The following DGKI variants were observed in gnomAD, a reference collection of about 807,000 sequenced individuals.
The protein encoded by DGKI is DAG kinase iota.
Under a neutral mutation model 147.5 loss-of-function variants are expected in DGKI, and 55 were observed. The observed-to-expected ratio is 0.37, with a 90% CI of 0.30 to 0.47. DGKI has a LOEUF of 0.47. DGKI is among the 20% of genes least tolerant of loss of function. The pLI is 1.00. For missense variants in DGKI, 1,007 were observed against 1,323.8 expected (o/e 0.76, Z 3.71); for synonymous variants, 469 against 477.1 (o/e 0.98, Z 0.22).
chr7:137,810,198 T>C (rs963565086), intron 1 of DGKI, among the ~76,000 whole-genome samples: 3 of 152,196 alleles, frequency 2.0e-5, no homozygotes, highest in Non-Finnish European at 4.4e-5. Context: ...AAAAGAGTAA[T>C]TGACAACAAT....
At chr7:137,400,060 T>C (rs1283877910) in intron 30 of DGKI, among the ~76,000 whole-genome samples, 1 of 152,170 alleles carries the variant, frequency 6.6e-6, no homozygotes, top group Non-Finnish European at 1.5e-5. Flanking sequence ...TACATCAAGA[T>C]ATGGGATCAT....
intron 1 of DGKI, among the ~76,000 whole-genome samples, chr7:137,709,317 G>C (rs1290860873): frequency 6.6e-6 from 1 of 152,060 alleles, no homozygotes; most frequent in African/African-American, 2.4e-5. Context: ...GTAGGGAGAG[G>C]AGAGAGGATA....
chr7:137,754,692 TA>T (rs1283698496), intron 1 of DGKI, among the ~76,000 whole-genome samples: 1 of 152,196 alleles, frequency 6.6e-6, no homozygotes, highest in Non-Finnish European at 1.5e-5. Context: ...GTGTGCCTAC[TA>T]TAAATAGATC....
At chr7:137,784,243 G>A (rs1796601239) in intron 1 of DGKI, among the ~76,000 whole-genome samples, 1 of 152,008 alleles carries the variant, frequency 6.6e-6, no homozygotes, top group Non-Finnish European at 1.5e-5. Flanking sequence ...TGACACATAA[G>A]GACTCAGATA....
chr7:137,413,572 A>G (rs1812246440), intron 28 of DGKI, among the ~76,000 whole-genome samples: 1 of 152,158 alleles, frequency 6.6e-6, no homozygotes, highest in African/African-American at 2.4e-5. Context: ...ACTTAGGATA[A>G]TGGTCTTCAG....
intron 1 of DGKI, among the ~76,000 whole-genome samples, chr7:137,819,916 C>T (rs1425594649): frequency 6.6e-6 from 1 of 152,212 alleles, no homozygotes; most frequent in Non-Finnish European, 1.5e-5. Flanking sequence ...ACAACTAGTT[C>T]AAATGTCACT....
intron 32 of DGKI, 119 bp from the exon 33 acceptor site, chr7:137,391,455 G>A: frequency 1.5e-6 from 1 of 671,196 alleles, no homozygotes; most frequent in Non-Finnish European, 2.5e-6. Context: ...AACTACGCAA[G>A]GATACCTGCT....
At chr7:137,623,443 A>T (rs1267078864) in intron 7 of DGKI, 40 bp downstream of exon 7, 2 of 1,582,834 alleles carry the variant, frequency 1.3e-6, no homozygotes, top group African/African-American at 2.7e-5. Flanking sequence ...TATTTCGACA[A>T]AACATGAGCC....
At chr7:137,507,343 G>A (rs1816402636) in intron 21 of DGKI, among the ~76,000 whole-genome samples, 1 of 152,138 alleles carries the variant, frequency 6.6e-6, no homozygotes, top group African/African-American at 2.4e-5. Context: ...GTTTTCATTG[G>A]ATTCTATTCA....
At chr7:137,638,173 G>C (rs1821380306) in intron 6 of DGKI, among the ~76,000 whole-genome samples, 1 of 151,874 alleles carries the variant, frequency 6.6e-6, no homozygotes, top group African/African-American at 2.4e-5. Context: ...ATATCAGCTT[G>C]GTGGCTTCAC....
intron 1 of DGKI, among the ~76,000 whole-genome samples, chr7:137,752,512 C>T (rs1006119551): frequency 4.6e-5 from 7 of 152,180 alleles, no homozygotes; most frequent in African/African-American, 1.7e-4. Flanking sequence ...AAATGAAATC[C>T]ACAGGCAGAT....
Position 137,578,321 on chromosome 7 carries a change from T to A in DGKI, c.1647A>T (p.Ala549=), listed in dbSNP as rs61751966. 7.3e-3 allele frequency: 11,784 copies of A among 1,613,230 alleles called. 89 individuals carry two copies. The highest frequency in any genetic ancestry group is 0.024 in the African/African-American group (1,784 of 75,004). The part of the protein sequence containing the change: ...VTLEFHESRE[A]NPEKFNSRFR... ...AACGACTGTTGAATTTCTCTGGATT[T>A]GCTTCTGTGAAAGAGGAAAAGTAGT... The change falls in exon 16 of 33, where the codon GCA becomes GCT. Residue 549 remains alanine, a synonymous_variant. Coordinates refer to ENST00000614521, the MANE Select transcript of DGKI (RefSeq NM_001321708.2).
chr7:137,409,869 T>C, intron 29 of DGKI, among the ~76,000 whole-genome samples: 1 of 152,102 alleles, frequency 6.6e-6, no homozygotes, highest in Admixed American at 6.5e-5. Flanking sequence ...CGCTAGTCTC[T>C]ATCTCTCGCT....
chr7:137,571,342 C>G, intron 18 of DGKI, 56 bp from the exon 19 acceptor site: 1 of 1,287,426 alleles, frequency 7.8e-7, no homozygotes, highest in East Asian at 2.4e-5. Context: ...TCATGACTAT[C>G]ATGAGGTGTT....
At chr7:137,465,017 CTAAA>C (rs1229374873) in intron 26 of DGKI, among the ~76,000 whole-genome samples, 4 of 152,156 alleles carry the variant, frequency 2.6e-5, no homozygotes, top group African/African-American at 9.7e-5. Context: ...ACAAAATTCT[CTAAA>C]TAAATAGTTT....
intron 1 of DGKI, among the ~76,000 whole-genome samples, chr7:137,791,685 C>T (rs374233147): frequency 3.3e-5 from 5 of 152,208 alleles, no homozygotes; most frequent in South Asian, 2.1e-4. Context: ...TGGAAAGAGA[C>T]GCTAGATAAC....
rs1818783253 is a variant in DGKI at position 137,571,234 on chromosome 7, C to T, written c.1888G>A (p.Glu630Lys). 3.1e-6 allele frequency: 5 copies of T among 1,613,160 alleles called. No individual in the cohort carries two copies. The highest frequency in any genetic ancestry group is 1.1e-5 in the South Asian group (1 of 90,730). Reference protein sequence around the residue: ...WGNPGDHHDFEPQRHDDGYIE... With the variant: ...WGNPGDHHDFKPQRHDDGYIE... Reference sequence around the variant, plus strand: ...TAACCATCATCATGACGCTGAGGTTCGAAATCATGGTGATCACCTGGGTTT... The same window carrying T: ...TAACCATCATCATGACGCTGAGGTTTGAAATCATGGTGATCACCTGGGTTT... The change falls in exon 19 of 33, where the codon GAA becomes AAA. Residue 630 changes from glutamate (E) to lysine (K), a missense_variant. Glu to Lys is a moderately conservative substitution (Grantham distance 56, BLOSUM62 1). This residue lies in a region of DGKI where 224 missense variants were observed against 382.7 expected (regional missense o/e 0.59). Coordinates refer to ENST00000614521, the MANE Select transcript of DGKI (RefSeq NM_001321708.2).
Position 137,599,908 on chromosome 7 carries a change from G to A in DGKI, c.1168-3C>T. On this transcript the variant is annotated splice_region_variant and splice_polypyrimidine_tract_variant and intron_variant, in intron 10 of 32. Coordinates refer to ENST00000614521, the MANE Select transcript of DGKI (RefSeq NM_001321708.2). ...AACATCTGCAGGACTTTGGTTCCCTGTAAAAAATAAATACACAAAAAGGCA... is the reference window on the plus strand; with the variant it reads ...AACATCTGCAGGACTTTGGTTCCCTATAAAAAATAAATACACAAAAAGGCA... The A allele has an allele frequency of 1.2e-6, 2 of 1,610,510 alleles. No homozygotes were observed. The highest frequency in any genetic ancestry group is 1.7e-6 in the Non-Finnish European group (2 of 1,177,220).
chr7:137,656,467 T>C lies in DGKI; in HGVS notation c.680A>G (p.Lys227Arg), dbSNP rs140009623. The change falls in exon 4 of 33, where the codon AAG (lysine) becomes AGG (arginine). Residue 227 changes from lysine (K) to arginine (R), a missense_variant and splice_region_variant. Around this residue, in one of 5 missense-constraint regions of DGKI, gnomAD observed 259 missense variants for 362.5 expected, o/e 0.71. Coordinates refer to ENST00000614521, the MANE Select transcript of DGKI (RefSeq NM_001321708.2). ...VHTACIEQLE[K>R]INFRCKPTFR... The stretch of plus-strand genomic sequence containing the variant: ...CTGCAGCAGGGGGCGCGCTCTTACC[T>C]TTTCTAGCTGCTCAATGCAGGCGGT... 120 of 1,614,034 alleles carry C rather than the reference T, an allele frequency of 7.4e-5. No individual in the cohort carries two copies. The highest frequency in any genetic ancestry group is 1.0e-4 in the Non-Finnish European group (118 of 1,179,942).
Sources: allele counts gnomAD v4.1 joint callset (sites outside exome capture counted in the v4.1 genomes callset), GRCh38; gene constraint gnomAD v4.1.1; regional missense constraint gnomAD v4.1.1; transcripts MANE v1.5; gene names NCBI Gene and HGNC (gene_info 2026-07-23, HGNC 2026-07-21).